The following CCDC192 variants were observed in gnomAD, a reference collection of about 807,000 sequenced individuals.
CCDC192 encodes the protein coiled-coil domain-containing protein 192.
At chr5:127,784,978 T>C in intron 3 of CCDC192, 2 of 476,540 alleles carry the variant, frequency 4.2e-6, no homozygotes, top group South Asian at 3.3e-5. Flanking sequence ...AGCATTTACA[T>C]TTTCATCTTC....
At chr5:127,785,222 G>A in intron 3 of CCDC192, 1 of 522,120 alleles carries the variant, frequency 1.9e-6, no homozygotes, top group East Asian at 5.4e-5. Context: ...CAGCCACTGT[G>A]ACAGCTGGCA....
rs192568866 is a variant in CCDC192 at position 127,737,355 on chromosome 5, T to G, written c.115-16913T>G. Among the ~76,000 whole-genome samples, 477 of 152,226 alleles carry G rather than the reference T, an allele frequency of 3.1e-3. 3 individuals are homozygous for G. The highest frequency in any genetic ancestry group is 0.01 in the African/African-American group (433 of 41,496). On this transcript the variant is annotated intron_variant, in intron 2 of 6. Coordinates refer to ENST00000514853, the MANE Select transcript of CCDC192 (RefSeq NM_001317938.2). Reference sequence around the variant, plus strand: ...GAGGAGAGCTTTACTTCCAAGTATGTGGTCAGTTTTGGAATAGATGTGGTG... The same window carrying G: ...GAGGAGAGCTTTACTTCCAAGTATGGGGTCAGTTTTGGAATAGATGTGGTG...
chr5:127,716,356 T>A (rs1334008920), intron 2 of CCDC192, among the ~76,000 whole-genome samples: 1 of 152,190 alleles, frequency 6.6e-6, no homozygotes, highest in African/African-American at 2.4e-5. Flanking sequence ...TTTTCTTGTT[T>A]GTTGTGTCCT....
intron 5 of CCDC192, among the ~76,000 whole-genome samples, chr5:127,802,093 A>G (rs1277167439): frequency 1.3e-5 from 2 of 152,152 alleles, no homozygotes; most frequent in Non-Finnish European, 2.9e-5. Flanking sequence ...CCTCAGGCCA[A>G]TGGCCTCCTG....
At chr5:127,745,891 C>T (rs1171612411) in intron 2 of CCDC192, among the ~76,000 whole-genome samples, 2 of 152,226 alleles carry the variant, frequency 1.3e-5, no homozygotes, top group Non-Finnish European at 2.9e-5. Flanking sequence ...TCTGCCATTG[C>T]ACCTTGCAAA....
At chr5:127,941,075 C>T (rs925184805) in intron 6 of CCDC192, 107 bp from the exon 7 acceptor site, 1 of 397,524 alleles carries the variant, frequency 2.5e-6, no homozygotes, top group South Asian at 1.4e-4. Context: ...AACATCTGTG[C>T]TCTCTTTTAA....
chr5:127,887,926 A>T (rs944753626), intron 6 of CCDC192, among the ~76,000 whole-genome samples: 1 of 151,654 alleles, frequency 6.6e-6, no homozygotes, highest in Non-Finnish European at 1.5e-5. Context: ...GATGGTCTTG[A>T]TCTCTTGACC....
At chr5:127,868,258 T>C (rs1365692603) in intron 5 of CCDC192, among the ~76,000 whole-genome samples, 2 of 152,164 alleles carry the variant, frequency 1.3e-5, no homozygotes, top group Non-Finnish European at 2.9e-5. Context: ...ATCCCATTGC[T>C]CTTCAGTTCT....
intron 6 of CCDC192, among the ~76,000 whole-genome samples, chr5:127,881,468 C>G (rs1752349633): frequency 6.6e-6 from 1 of 152,124 alleles, no homozygotes; most frequent in Non-Finnish European, 1.5e-5. Context: ...GTCTATAGGT[C>G]ATTCAGGTCT....
At chr5:127,757,593 G>A (rs1561470493) in intron 3 of CCDC192, among the ~76,000 whole-genome samples, 4 of 151,904 alleles carry the variant, frequency 2.6e-5, no homozygotes, top group Admixed American at 2.6e-4. Flanking sequence ...TGGATGAGAG[G>A]ATAGGGAAAG....
chr5:127,854,457 A>G, intron 5 of CCDC192, among the ~76,000 whole-genome samples: 1 of 152,130 alleles, frequency 6.6e-6, no homozygotes, highest in East Asian at 1.9e-4. Context: ...TCTCTATTTT[A>G]TTATTAATAG....
At chr5:127,810,367 G>A (rs1758010963) in intron 5 of CCDC192, among the ~76,000 whole-genome samples, 1 of 152,172 alleles carries the variant, frequency 6.6e-6, no homozygotes, top group African/African-American at 2.4e-5. Flanking sequence ...AGAAGAGATT[G>A]TTGAGGTGTG....
intron 6 of CCDC192, among the ~76,000 whole-genome samples, chr5:127,923,224 A>T: frequency 6.6e-6 from 1 of 152,198 alleles, no homozygotes; most frequent in East Asian, 1.9e-4. Flanking sequence ...GGTATAAAGA[A>T]AAGTTTTGTT....
intron 2 of CCDC192, among the ~76,000 whole-genome samples, chr5:127,751,319 A>T (rs1754152750): frequency 6.6e-6 from 1 of 151,996 alleles, no homozygotes; most frequent in Non-Finnish European, 1.5e-5. Flanking sequence ...GGTGGTGACA[A>T]AATCTCTCAG....
rs551904977 is a variant in CCDC192 at position 127,757,045 on chromosome 5, A to C, written c.222+2670A>C. On this transcript the variant is annotated intron_variant, in intron 3 of 6. Coordinates refer to ENST00000514853, the MANE Select transcript of CCDC192 (RefSeq NM_001317938.2). ...ATTAAATATATAAAATGGAAACTGG[A>C]TTTCACTTAACTTTTTTGTACCTAC... Among the ~76,000 whole-genome samples, 59 of 152,316 alleles carry C rather than the reference A, an allele frequency of 3.9e-4. No individual in the cohort carries two copies. In the South Asian group the frequency reaches 0.012, roughly 31 times the overall value.
intron 2 of CCDC192, among the ~76,000 whole-genome samples, chr5:127,753,617 G>A (rs2126872414): frequency 6.6e-6 from 1 of 151,924 alleles, no homozygotes; most frequent in South Asian, 2.1e-4. Context: ...GAACCCAGGA[G>A]GTGGAGGTTG....
At chr5:127,736,551 T>C (rs1476915552) in intron 2 of CCDC192, among the ~76,000 whole-genome samples, 3 of 151,964 alleles carry the variant, frequency 2.0e-5, no homozygotes, top group African/African-American at 7.3e-5. Context: ...TGTGAATCCA[T>C]CTGGTCCTGG....
intron 6 of CCDC192, among the ~76,000 whole-genome samples, chr5:127,883,085 T>C (rs1752420211): frequency 1.3e-5 from 2 of 152,238 alleles, no homozygotes; most frequent in African/African-American, 4.8e-5. Flanking sequence ...TCAGACTTTA[T>C]GGAGCTCAGG....
intron 6 of CCDC192, among the ~76,000 whole-genome samples, chr5:127,936,947 A>G (rs902829707): frequency 1.3e-5 from 2 of 152,162 alleles, no homozygotes; most frequent in African/African-American, 4.8e-5. Flanking sequence ...ATGGGGGGAG[A>G]GGAGTGAGAT....
Sources: allele counts gnomAD v4.1 joint callset (sites outside exome capture counted in the v4.1 genomes callset), GRCh38; gene constraint gnomAD v4.1.1; transcripts MANE v1.5; gene names NCBI Gene and HGNC (gene_info 2026-07-23, HGNC 2026-07-21).